Variants in PRDX3 observed in about 807,000 individuals in gnomAD.
The protein encoded by PRDX3 is peroxiredoxin 3, also known as thioredoxin-dependent peroxide reductase, mitochondrial.
A neutral mutation model predicts 30.4 loss-of-function variants in PRDX3; 20 were observed. The observed-to-expected ratio is 0.66, with a 90% CI of 0.46 to 0.96. The LOEUF is 0.96. PRDX3 is among the 40% of genes least tolerant of loss of function. PRDX3 has a pLI of 0.00. For synonymous variants in PRDX3, 124 were observed against 117.8 expected (o/e 1.05, Z -0.34); for missense variants, 322 against 318.3 (o/e 1.01, Z -0.09).
intron 2 of PRDX3, chr10:119,174,867 T>G: frequency 2.3e-4 from 71 of 313,838 alleles, no homozygotes; most frequent in East Asian, 2.7e-4. Flanking sequence ...AAATCATCTC[T>G]AGATTACTCA....
chr10:119,169,206 G>C lies in PRDX3; in HGVS notation c.688C>G (p.Pro230Ala). 1 of 1,612,536 alleles carries C rather than the reference G, an allele frequency of 6.2e-7. No homozygotes were observed. The highest frequency in any genetic ancestry group is 8.5e-7 in the Non-Finnish European group (1 of 1,180,014). ...QYVETHGEVC[P>A]ANWTPDSPTI... is the part of the protein sequence containing the mutation. ...GGAGAATCCGGTGTCCAGTTCGCTG[G>C]GCAGACTTCTCCATGTGTTTCTACA... The change falls in exon 6 of 7, where the codon CCA (proline) becomes GCA (alanine). Residue 230 changes from proline to alanine, a missense_variant. Transcript: ENST00000298510.
intron 3 of PRDX3, 125 bp from the exon 4 acceptor site, chr10:119,173,997 G>A: frequency 2.3e-6 from 2 of 887,020 alleles, no homozygotes; most frequent in Non-Finnish European, 3.4e-6. Flanking sequence ...CATCCTCACT[G>A]GACTATAGTG....
intron 1 of PRDX3, among the ~76,000 whole-genome samples, chr10:119,178,221 C>T (rs998066134): frequency 6.6e-6 from 1 of 152,154 alleles, no homozygotes; most frequent in African/African-American, 2.4e-5. Context: ...CTGTGTTGAA[C>T]CCCACCAGAG....
chr10:119,170,584 CT>C (rs1847881352), intron 5 of PRDX3: 1 of 151,686 alleles, frequency 6.6e-6, no homozygotes, highest in Non-Finnish European at 1.5e-5. Flanking sequence ...TTGATAATCT[CT>C]TTAAAGTTTA....
At chr10:119,176,534 G>A (rs1370914728) in intron 2 of PRDX3, among the ~76,000 whole-genome samples, 2 of 152,126 alleles carry the variant, frequency 1.3e-5, no homozygotes, top group Non-Finnish European at 2.9e-5. Flanking sequence ...CCTAGAGAAG[G>A]GAGTGTAAAT....
chr10:119,175,700 G>A (rs945134010), intron 2 of PRDX3, among the ~76,000 whole-genome samples: 11 of 151,914 alleles, frequency 7.2e-5, no homozygotes, highest in Non-Finnish European at 1.6e-4. Flanking sequence ...TGGCTGAGAT[G>A]GGGGTTTTTA....
chr10:119,177,362 T>C (rs765713949), intron 1 of PRDX3, among the ~76,000 whole-genome samples: 1 of 152,098 alleles, frequency 6.6e-6, no homozygotes, highest in Non-Finnish European at 1.5e-5. Flanking sequence ...AGAGGAACTA[T>C]AAGAACACAA....
At chr10:119,177,528 G>A (rs1045018258) in intron 1 of PRDX3, among the ~76,000 whole-genome samples, 2 of 151,784 alleles carry the variant, frequency 1.3e-5, no homozygotes, top group Non-Finnish European at 2.9e-5. Flanking sequence ...CGGCGGTGGC[G>A]GGCACCTGTA....
chr10:119,174,789 CAGATGCTCAAGTCTCTTACATAAAGTGGT>C, intron 2 of PRDX3, 197 bp from the exon 3 acceptor site: 1 of 480,956 alleles, frequency 2.1e-6, no homozygotes, highest in Non-Finnish European at 3.6e-6. Context: ...TCGAAATCTA[CAGATGCTCAAGTCTCTTACATAAAGTGGT>C]GATTTGCATA....
intron 1 of PRDX3, among the ~76,000 whole-genome samples, chr10:119,177,355 G>A (rs1430676448): frequency 6.6e-6 from 1 of 152,102 alleles, no homozygotes; most frequent in East Asian, 1.9e-4. Context: ...AAGGTGGAGA[G>A]GAACTATAAG....
intron 1 of PRDX3, among the ~76,000 whole-genome samples, chr10:119,178,249 G>C (rs1292001652): frequency 6.6e-6 from 1 of 152,214 alleles, no homozygotes. Context: ...TGTACCAAAA[G>C]AGCACGACGC....
chr10:119,168,856 C>T (rs1847829907), intron 6 of PRDX3, among the ~76,000 whole-genome samples: 1 of 151,922 alleles, frequency 6.6e-6, no homozygotes, highest in South Asian at 2.1e-4. Flanking sequence ...CCCTGTAGTC[C>T]CAGCTACTCA....
chr10:119,178,782 A>C lies in PRDX3; in HGVS notation c.9T>G (p.Ala3=), dbSNP rs1193713828. 3.2e-6 allele frequency: 5 copies of C among 1,553,026 alleles called. No individual in the cohort carries two copies. The South Asian group carries it at 5.9e-5, about 18-fold the overall frequency. Residue 3 remains alanine (A), a synonymous_variant, in exon 1 of 7, where the codon GCT becomes GCG. Coordinates refer to ENST00000298510, the MANE Select transcript of PRDX3 (RefSeq NM_006793.5). ...ACGCTCGGAGCAACCGTCCTACAGC[A>C]GCCGCCATCTTCAGTGCACTCGGGC... is the stretch of plus-strand genomic sequence containing the variant. MA[A]AVGRLLRASV...
At chr10:119,169,449 A>T in intron 5 of PRDX3, 107 bp from the exon 6 acceptor site, 1 of 979,650 alleles carries the variant, frequency 1.0e-6, no homozygotes, top group Non-Finnish European at 1.5e-6. Context: ...AATATTTATT[A>T]AGCGTAATCA....
Position 119,178,724 on chromosome 10 carries a change from C to T in PRDX3, c.36+31G>A, listed in dbSNP as rs555669425. Reference sequence around the variant, plus strand: ...CACGTTCCCGGAGCCACCAGTGTCTCCACGCCTGTCCCCAGCCGACAGCCA... The same window carrying T: ...CACGTTCCCGGAGCCACCAGTGTCTTCACGCCTGTCCCCAGCCGACAGCCA... On this transcript the variant is annotated intron_variant, in intron 1 of 6. Coordinates refer to ENST00000298510, the MANE Select transcript of PRDX3 (RefSeq NM_006793.5). The T allele has an allele frequency of 3.0e-5, 47 of 1,550,806 alleles. 1 individual carries two copies. In the South Asian group the frequency reaches 3.3e-4, roughly 11 times the overall value.
At chr10:119,172,233 G>A in intron 5 of PRDX3, 149 bp downstream of exon 5, 1 of 662,470 alleles carries the variant, frequency 1.5e-6, no homozygotes, top group East Asian at 2.8e-5. Flanking sequence ...GCCTCCCAAA[G>A]TGCTACGATT....
chr10:119,178,759 G>A lies in PRDX3; in HGVS notation c.32C>T (p.Ala11Val), dbSNP rs1418484950. 9.7e-6 allele frequency: 15 copies of A among 1,552,344 alleles called. No homozygotes were observed. The East Asian group carries it at 3.2e-4, about 33-fold the overall frequency. Residue 11 changes from alanine to valine, a missense_variant, in exon 1 of 7, where the codon GCG becomes GTG. Physicochemically the swap from Ala to Val is moderately conservative, Grantham distance 64 (BLOSUM62 0). Coordinates refer to ENST00000298510, the MANE Select transcript of PRDX3 (RefSeq NM_006793.5). ...CCCCAGCCGACAGCCACTCACCGAC[G>A]CTCGGAGCAACCGTCCTACAGCAGC... MAAAVGRLLR[A>V]SVARHVSAIP...
At chr10:119,176,467 A>T (rs1848030535) in intron 2 of PRDX3, among the ~76,000 whole-genome samples, 1 of 152,228 alleles carries the variant, frequency 6.6e-6, no homozygotes, top group African/African-American at 2.4e-5. Flanking sequence ...TCAAATCTAG[A>T]CAAGGTATTT....
In PRDX3 at chr10:119,172,377, C is replaced by G; in HGVS notation, c.551+5G>C. ...ATCTTAAGTTCATCAGAAACAGGAT[C>G]TTACCTTAGTGCAAGACCAGAACCT... is the stretch of plus-strand genomic sequence containing the variant. On this transcript the variant is annotated splice_donor_5th_base_variant and intron_variant, in intron 5 of 6. Transcript: ENST00000298510. 1 of 1,595,958 alleles carries G rather than the reference C, an allele frequency of 6.3e-7. No individual in the cohort carries two copies. Among genetic ancestry groups the G allele is most frequent in the Non-Finnish European group, 8.6e-7 (1 of 1,163,468 alleles).
Sources: gnomAD v4.1 joint callset for allele counts (sites outside exome capture counted in the v4.1 genomes callset) on GRCh38, gnomAD v4.1.1 for gene constraint, MANE v1.5 for transcripts, NCBI Gene and HGNC (gene_info 2026-07-23, HGNC 2026-07-21) for gene names.